The following UPRT variants were observed in gnomAD, a reference collection of about 807,000 sequenced individuals.
The protein encoded by UPRT is uracil phosphoribosyltransferase homolog, also known as RP11-311P8.3.
In UPRT, 5 loss-of-function variants were observed where a neutral mutation model predicts 22.6. The ratio of observed to expected loss-of-function variants is 0.22; its 90% confidence interval spans 0.12 to 0.47. The LOEUF is 0.47. Ranked by LOEUF, UPRT falls within the 20% of genes least tolerant of loss-of-function variation. The pLI is 0.99. For missense variants in UPRT, 181 were observed against 239.9 expected (o/e 0.75, Z 1.62); for synonymous variants, 77 against 87.7 (o/e 0.88, Z 0.68).
At chrX:75,173,143 A>G (rs2147604955) in intron 4 of UPRT, among the ~76,000 whole-genome samples, 1 of 112,080 alleles carries the variant, frequency 8.9e-6, no homozygotes, top group East Asian at 2.8e-4. Flanking sequence ...AGGTTCTCTA[A>G]GGCCCTACTA....
chrX:75,252,795 A>T (rs1384548961), intron 4 of UPRT, among the ~76,000 whole-genome samples: 2 of 112,450 alleles, frequency 1.8e-5, no homozygotes, highest in African/African-American at 6.5e-5. Flanking sequence ...ACCAACCCAA[A>T]TGTCCAACAA....
At chrX:75,294,420 T>C in intron 2 of UPRT, 2 of 297,322 alleles carry the variant, frequency 6.7e-6, no homozygotes, top group South Asian at 1.0e-4. Flanking sequence ...GTTTATGATC[T>C]AAATACTAGA....
chrX:75,272,330 GTA>G (rs752739346), upstream of UPRT, among the ~76,000 whole-genome samples: 238 of 45,366 alleles, frequency 5.2e-3, 4 homozygotes, highest in South Asian at 0.016. Context: ...ACATATATAT[GTA>G]TATATATATA....
chrX:75,160,047 C>T (rs969559290), intron 1 of UPRT, among the ~76,000 whole-genome samples: 1 of 110,803 alleles, frequency 9.0e-6, no homozygotes, highest in African/African-American at 3.3e-5. Flanking sequence ...GGATTACAGG[C>T]GTGAACCTCT....
At chrX:75,232,107 C>T (rs977991713) in intron 4 of UPRT, among the ~76,000 whole-genome samples, 4 of 112,020 alleles carry the variant, frequency 3.6e-5, no homozygotes, top group African/African-American at 9.7e-5. Flanking sequence ...CGAAGCAGGG[C>T]GAGGCATTGC....
At chrX:75,265,153 G>A (rs2082583424) in intron 4 of UPRT, among the ~76,000 whole-genome samples, 1 of 110,976 alleles carries the variant, frequency 9.0e-6, no homozygotes, top group Admixed American at 9.7e-5. Flanking sequence ...TGACAATTAT[G>A]TGTCTTGGAG....
chrX:75,228,141 A>G (rs1029198280), intron 4 of UPRT, among the ~76,000 whole-genome samples: 1 of 111,539 alleles, frequency 9.0e-6, no homozygotes, highest in Non-Finnish European at 1.9e-5. Context: ...AAGAAGAGAG[A>G]GAAATTGCAA....
At chrX:75,264,460 C>A (rs994536365) in intron 4 of UPRT, among the ~76,000 whole-genome samples, 14 of 111,500 alleles carry the variant, frequency 1.3e-4, no homozygotes, top group Non-Finnish European at 2.4e-4. Context: ...TTGAATTGAT[C>A]CCTTTACCAT....
At chrX:75,288,743 C>T (rs1198321730) in intron 1 of UPRT, among the ~76,000 whole-genome samples, 7 of 111,447 alleles carry the variant, frequency 6.3e-5, no homozygotes, top group Admixed American at 5.7e-4. Context: ...ACTGAATGGG[C>T]AAAAACTGGA....
rs148586440 is a variant in UPRT, at chrX:75,166,780, A to G, written c.-520-1026A>G. 3.8e-4 allele frequency among the ~76,000 whole-genome samples: 43 copies of G among 112,288 alleles called. No homozygotes were observed. In the East Asian group the frequency reaches 0.012, roughly 31 times the overall value. ...ACAAAAGAAAACTAAAGACATCCTT[A>G]CTTTGGTTACACTTGCCTTCTTTTA... On this transcript the variant is annotated intron_variant, in intron 3 of 13. Transcript: ENST00000652605.
upstream of UPRT, among the ~76,000 whole-genome samples, chrX:75,272,348 A>ATATATATG (rs1569279541): frequency 4.0e-4 from 34 of 85,384 alleles, no homozygotes; most frequent in African/African-American, 1.7e-3. Context: ...ATATATACAC[A>ATATATATG]TATATATATG....
intron 4 of UPRT, among the ~76,000 whole-genome samples, chrX:75,237,903 C>G (rs1425078887): frequency 9.1e-6 from 1 of 109,474 alleles, no homozygotes; most frequent in African/African-American, 3.3e-5. Context: ...ACATATGTAA[C>G]TAACCTGCAC....
intron 4 of UPRT, among the ~76,000 whole-genome samples, chrX:75,195,842 T>A (rs2082331212): frequency 8.9e-6 from 1 of 112,141 alleles, no homozygotes; most frequent in Non-Finnish European, 1.9e-5. Flanking sequence ...AGTCCCTTGG[T>A]GCTAGATGTT....
chrX:75,159,813 G>C (rs2082193785), intron 1 of UPRT, among the ~76,000 whole-genome samples: 1 of 81,162 alleles, frequency 1.2e-5, no homozygotes, highest in Non-Finnish European at 2.2e-5. Flanking sequence ...GTCTCACTCA[G>C]TTGCTCAGGC....
intron 4 of UPRT, among the ~76,000 whole-genome samples, chrX:75,266,545 C>G (rs1005364045): frequency 1.8e-5 from 2 of 111,657 alleles, no homozygotes; most frequent in South Asian, 7.4e-4. Flanking sequence ...TACTTCATGT[C>G]TAAAACACCA....
intron 4 of UPRT, among the ~76,000 whole-genome samples, chrX:75,208,305 TATTG>T (rs2082371940): frequency 9.0e-6 from 1 of 110,874 alleles, no homozygotes; most frequent in African/African-American, 3.3e-5. Context: ...AGAAGGAGGT[TATTG>T]ATTATTGGAG....
intron 4 of UPRT, among the ~76,000 whole-genome samples, chrX:75,225,446 C>T (rs767242310): frequency 9.1e-6 from 1 of 110,200 alleles, no homozygotes; most frequent in African/African-American, 3.3e-5. Context: ...CAACCAGTAG[C>T]TGGGGGCAGA....
chrX:75,222,646 G>A (rs1469379591), intron 4 of UPRT, among the ~76,000 whole-genome samples: 3 of 110,902 alleles, frequency 2.7e-5, no homozygotes, highest in Non-Finnish European at 5.7e-5. Flanking sequence ...ACACTGCCAG[G>A]CTACCACTGG....
intron 4 of UPRT, among the ~76,000 whole-genome samples, chrX:75,176,440 C>T (rs747901910): frequency 4.5e-5 from 5 of 111,561 alleles, no homozygotes; most frequent in South Asian, 3.8e-4. Context: ...CAAAGGTTTG[C>T]CCTAGACCCT....
Sources: gnomAD v4.1 joint callset for allele counts (sites outside exome capture counted in the v4.1 genomes callset) on GRCh38, gnomAD v4.1.1 for gene constraint, MANE v1.5 for transcripts, NCBI Gene and HGNC (gene_info 2026-07-23, HGNC 2026-07-21) for gene names.